MFSD1: variants seen among roughly 807,000 people sequenced by gnomAD.
MFSD1 encodes the protein major facilitator superfamily domain containing 1.
Under a neutral mutation model 67.1 loss-of-function variants are expected in MFSD1, and 59 were observed. The observed-to-expected ratio is 0.88, with a 90% CI of 0.71 to 1.09. The LOEUF is 1.09. MFSD1 is among the 50% of genes least tolerant of loss of function. The pLI is 0.00. For synonymous variants in MFSD1, 213 were observed against 200.3 expected (o/e 1.06, Z -0.54); for missense variants, 552 against 566.1 (o/e 0.97, Z 0.25).
At chr3:158,822,768 T>C (rs776496032) in intron 11 of MFSD1, 3 of 154,200 alleles carry the variant, frequency 1.9e-5, no homozygotes, top group Non-Finnish European at 4.3e-5. Flanking sequence ...AACATCTTGG[T>C]TGAGATTGTG....
At chr3:158,828,622 CA>C (rs777241986) in intron 15 of MFSD1, among the ~76,000 whole-genome samples, 4 of 151,920 alleles carry the variant, frequency 2.6e-5, no homozygotes, top group Non-Finnish European at 5.9e-5. Context: ...GCTAAGTAAA[CA>C]AAAGATAAAA....
In MFSD1 at chr3:158,822,145, C is replaced by T. The variant is rs146531994; in HGVS notation, c.1077+5C>T. 3.6e-3 allele frequency: 5,819 copies of T among 1,607,196 alleles called. 340 individuals are homozygous for T. In the Admixed American group the frequency reaches 0.093, roughly 26 times the overall value. On this transcript the variant is annotated splice_donor_5th_base_variant and intron_variant, in intron 11 of 15. Transcript: ENST00000415822. ...TGGAACCCTTGGATTGCTATGGTAACGTCTGTGTTAGCCCATGGTGGGGTC... is the reference window on the plus strand; with the variant it reads ...TGGAACCCTTGGATTGCTATGGTAATGTCTGTGTTAGCCCATGGTGGGGTC...
chr3:158,808,210 C>T (rs971639271), intron 5 of MFSD1, among the ~76,000 whole-genome samples: 5 of 152,120 alleles, frequency 3.3e-5, no homozygotes, highest in African/African-American at 1.2e-4. Context: ...GACAGAAGTA[C>T]AGGATTTGGA....
At chr3:158,813,436 G>C (rs1054012775) in intron 6 of MFSD1, among the ~76,000 whole-genome samples, 8 of 152,150 alleles carry the variant, frequency 5.3e-5, no homozygotes, top group African/African-American at 1.9e-4. Flanking sequence ...ATGAGCCACT[G>C]TGCCTGGCCA....
intron 7 of MFSD1, among the ~76,000 whole-genome samples, chr3:158,819,162 G>A (rs1345437841): frequency 9.2e-5 from 14 of 152,212 alleles, no homozygotes; most frequent in African/African-American, 3.4e-4. Flanking sequence ...AGAGTACTGC[G>A]CTTTGGGAGG....
chr3:158,802,505 G>C (rs751886718), intron 1 of MFSD1, 190 bp downstream of exon 1: 331 of 773,726 alleles, frequency 4.3e-4, no homozygotes, highest in Non-Finnish European at 6.5e-4. Context: ...GTTACTCCGC[G>C]TCCGGAACGT....
At chr3:158,809,597 C>A (rs1729898940) in intron 6 of MFSD1, among the ~76,000 whole-genome samples, 1 of 152,168 alleles carries the variant, frequency 6.6e-6, no homozygotes, top group South Asian at 2.1e-4. Flanking sequence ...AACCTCTCCA[C>A]ATACGGCTGT....
At chr3:158,816,764 G>T (rs374634811) in intron 7 of MFSD1, among the ~76,000 whole-genome samples, 249 of 150,988 alleles carry the variant, frequency 1.6e-3, no homozygotes, top group Middle Eastern at 0.01. Flanking sequence ...GGTTTTCTTC[G>T]AGGGTTTTTA....
intron 7 of MFSD1, among the ~76,000 whole-genome samples, chr3:158,815,274 T>A (rs1463498882): frequency 6.6e-6 from 1 of 152,114 alleles, no homozygotes; most frequent in African/African-American, 2.4e-5. Flanking sequence ...GAGCCCTGGC[T>A]CTAATGCTAG....
chr3:158,803,950 G>A (rs1729584347), intron 1 of MFSD1, among the ~76,000 whole-genome samples: 1 of 152,096 alleles, frequency 6.6e-6, no homozygotes, highest in Admixed American at 6.6e-5. Flanking sequence ...AACTGATGAG[G>A]TTGTAAAGTT....
Position 158,829,177 on chromosome 3 carries a change from A to G in MFSD1, c.*195A>G. On this transcript the variant is annotated 3_prime_UTR_variant, in exon 16 of 16. Transcript: ENST00000415822. Reference sequence around the variant, plus strand: ...TGTGTCTTTTGTATTGTGTGTTGCTAAAGAATTCTACTTTTAGTAGGCTAA... The same window carrying G: ...TGTGTCTTTTGTATTGTGTGTTGCTGAAGAATTCTACTTTTAGTAGGCTAA... The G allele has an allele frequency of 4.9e-6, 2 of 410,618 alleles. No homozygotes were observed. Among genetic ancestry groups the G allele is most frequent in the Non-Finnish European group, 8.5e-6 (2 of 236,032 alleles). 25.4% of individuals were successfully genotyped at this position (410,618 alleles called of 1,614,324 possible). A position where few individuals can be genotyped will look rare whatever the true frequency, so the allele number is the denominator to read the frequency against.
chr3:158,828,118 C>T (rs961617893), intron 15 of MFSD1, among the ~76,000 whole-genome samples: 2 of 152,014 alleles, frequency 1.3e-5, no homozygotes, highest in African/African-American at 2.4e-5. Flanking sequence ...TCTTCTGGTA[C>T]CAATATGTGG....
chr3:158,807,953 G>T (rs1729810294), intron 5 of MFSD1, among the ~76,000 whole-genome samples: 1 of 152,218 alleles, frequency 6.6e-6, no homozygotes, highest in African/African-American at 2.4e-5. Flanking sequence ...TGTCTGTTCA[G>T]TAAGCCTATT....
intron 15 of MFSD1, among the ~76,000 whole-genome samples, chr3:158,827,812 GAAAATTTA>G (rs1388299925): frequency 1.3e-5 from 2 of 151,540 alleles, no homozygotes; most frequent in Non-Finnish European, 2.9e-5. Flanking sequence ...GTTTGCTTCA[GAAAATTTA>G]AAAATGGATA....
intron 7 of MFSD1, among the ~76,000 whole-genome samples, chr3:158,815,517 CA>C (rs1234674278): frequency 2.0e-5 from 3 of 151,748 alleles, no homozygotes; most frequent in Admixed American, 2.0e-4. Flanking sequence ...TACATATATA[CA>C]CATGCATATA....
intron 11 of MFSD1, chr3:158,822,983 C>T (rs545696890): frequency 6.2e-6 from 1 of 161,262 alleles, no homozygotes; most frequent in Admixed American, 5.8e-5. Context: ...GTTTACCAAG[C>T]ATTGGTGGTG....
At chr3:158,817,278 G>C (rs978600218) in intron 7 of MFSD1, among the ~76,000 whole-genome samples, 11 of 152,168 alleles carry the variant, frequency 7.2e-5, no homozygotes, top group Admixed American at 2.6e-4. Context: ...GAAATAAAGG[G>C]TATTCAATTA....
chr3:158,807,139 A>G, intron 4 of MFSD1, 57 bp downstream of exon 4: 2 of 1,476,350 alleles, frequency 1.4e-6, no homozygotes, highest in Non-Finnish European at 1.9e-6. Context: ...ATTCTTATCT[A>G]ATTAATTCCA....
chr3:158,823,307 A>C, intron 11 of MFSD1, 121 bp from the exon 12 acceptor site: 1 of 718,174 alleles, frequency 1.4e-6, no homozygotes, highest in South Asian at 1.5e-5. Flanking sequence ...GCCTAATAAC[A>C]ACAAAATTTG....
Sources: allele counts gnomAD v4.1 joint callset (sites outside exome capture counted in the v4.1 genomes callset), GRCh38; gene constraint gnomAD v4.1.1; transcripts MANE v1.5; gene names NCBI Gene and HGNC (gene_info 2026-07-23, HGNC 2026-07-21).